Variants in SEL1L2 observed in about 807,000 individuals in gnomAD.
SEL1L2 encodes the protein SEL1L2 adaptor subunit of SYVN1 ubiquitin ligase.
Under a neutral mutation model 98.8 loss-of-function variants are expected in SEL1L2, and 89 were observed. That is an observed-to-expected ratio of 0.90 (90% CI 0.76 to 1.07). The LOEUF is 1.07. Ranked by LOEUF, SEL1L2 falls within the 50% of genes least tolerant of loss-of-function variation. SEL1L2 has a pLI of 0.00. For synonymous variants in SEL1L2, 262 were observed against 278.5 expected, an observed-to-expected ratio of 0.94 and a Z score of 0.59; for missense variants, 788 against 812.0, an observed-to-expected ratio of 0.97 and a Z score of 0.36.
intron 5 of SEL1L2, among the ~76,000 whole-genome samples, chr20:13,890,405 A>C (rs1023136747): frequency 1.3e-5 from 2 of 152,098 alleles, no homozygotes; most frequent in Non-Finnish European, 2.9e-5. Flanking sequence ...AAAAAAAAAA[A>C]CTGGCAAACC....
intron 17 of SEL1L2, among the ~76,000 whole-genome samples, chr20:13,862,990 C>A (rs1015625184): frequency 6.6e-6 from 1 of 152,108 alleles, no homozygotes. Context: ...AACCACTGCA[C>A]CTGGTCTATA....
chr20:13,983,858 C>T (rs2052002472), intron 1 of SEL1L2, among the ~76,000 whole-genome samples: 1 of 151,880 alleles, frequency 6.6e-6, no homozygotes, highest in Admixed American at 6.6e-5. Context: ...TTCTCTTCCA[C>T]TAACTCCTTC....
At chr20:13,871,554 C>T (rs1460948087) in intron 12 of SEL1L2, among the ~76,000 whole-genome samples, 1 of 151,938 alleles carries the variant, frequency 6.6e-6, no homozygotes, top group African/African-American at 2.4e-5. Flanking sequence ...CTCTGTTGCC[C>T]AGGCTGGAGT....
intron 1 of SEL1L2, among the ~76,000 whole-genome samples, chr20:13,989,691 T>C (rs1189112790): frequency 1.3e-5 from 2 of 152,264 alleles, no homozygotes; most frequent in Non-Finnish European, 2.9e-5. Flanking sequence ...TTTTGTCAAA[T>C]GCTTTTACTA....
At chr20:13,983,380 T>A (rs2051964152) in intron 1 of SEL1L2, among the ~76,000 whole-genome samples, 1 of 151,952 alleles carries the variant, frequency 6.6e-6, no homozygotes, top group South Asian at 2.1e-4. Flanking sequence ...TGTATCTGAA[T>A]GAAAAAGGGC....
intron 5 of SEL1L2, among the ~76,000 whole-genome samples, chr20:13,907,690 TTCTTTCTTTC>T (rs1323672655): frequency 3.5e-4 from 51 of 146,702 alleles, no homozygotes; most frequent in African/African-American, 5.5e-4. Context: ...TTCTCTTTCT[TTCTTTCTTTC>T]TCTTTCTTTC....
At chr20:13,901,271 C>T (rs1264353135) in intron 5 of SEL1L2, among the ~76,000 whole-genome samples, 1 of 151,924 alleles carries the variant, frequency 6.6e-6, no homozygotes, top group Non-Finnish European at 1.5e-5. Flanking sequence ...GGGGTTTCAC[C>T]GTGTTAGCCA....
At chr20:13,896,485 A>T (rs889366945) in intron 5 of SEL1L2, among the ~76,000 whole-genome samples, 4 of 151,752 alleles carry the variant, frequency 2.6e-5, no homozygotes, top group African/African-American at 9.7e-5. Flanking sequence ...AAAAACAAAA[A>T]CAAACAAATA....
chr20:13,915,106 G>A (rs901430363), intron 4 of SEL1L2: 5 of 1,287,636 alleles, frequency 3.9e-6, no homozygotes, highest in East Asian at 1.1e-4. Flanking sequence ...GATTTAGGAG[G>A]ATCAGGAGAC....
chr20:13,970,243 A>T (rs1158003038), intron 1 of SEL1L2, among the ~76,000 whole-genome samples: 1 of 152,158 alleles, frequency 6.6e-6, no homozygotes, highest in Non-Finnish European at 1.5e-5. Context: ...AAAATCCAGA[A>T]TCTCAAGGTT....
At chr20:13,922,048 T>C (rs2048687914) in intron 3 of SEL1L2, among the ~76,000 whole-genome samples, 1 of 152,232 alleles carries the variant, frequency 6.6e-6, no homozygotes, top group South Asian at 2.1e-4. Context: ...ACATAATTGA[T>C]ATTGCTTTTG....
At chr20:13,966,288 CT>C (rs1479717698) in intron 1 of SEL1L2, among the ~76,000 whole-genome samples, 3 of 150,412 alleles carry the variant, frequency 2.0e-5, no homozygotes, top group African/African-American at 7.3e-5. Context: ...CTTCTTCCTT[CT>C]TGCCTCTTCT....
chr20:13,910,261 G>A (rs771949211), intron 5 of SEL1L2, among the ~76,000 whole-genome samples: 3 of 152,170 alleles, frequency 2.0e-5, no homozygotes, highest in Non-Finnish European at 2.9e-5. Flanking sequence ...GACTAAAATT[G>A]TTACACAACA....
chr20:13,900,685 G>T (rs2047631981), intron 5 of SEL1L2, among the ~76,000 whole-genome samples: 1 of 152,154 alleles, frequency 6.6e-6, no homozygotes, highest in African/African-American at 2.4e-5. Flanking sequence ...CTCTCTACAC[G>T]CAATGATTCA....
intron 18 of SEL1L2, among the ~76,000 whole-genome samples, chr20:13,853,699 A>G (rs1163190466): frequency 6.6e-6 from 1 of 152,212 alleles, no homozygotes; most frequent in East Asian, 1.9e-4. Context: ...CACTTACTCA[A>G]ATTTATATGA....
intron 10 of SEL1L2, among the ~76,000 whole-genome samples, chr20:13,880,879 AC>A (rs2046668702): frequency 6.6e-6 from 1 of 152,068 alleles, no homozygotes; most frequent in Non-Finnish European, 1.5e-5. Flanking sequence ...TATTATTTGG[AC>A]CCATATCTCT....
At chr20:13,994,047 ACGCC>A (rs1569103458), upstream of SEL1L2, among the ~76,000 whole-genome samples, 6 of 152,112 alleles carry the variant, frequency 3.9e-5, no homozygotes, top group African/African-American at 1.4e-4. Context: ...ACGGTGGCTC[ACGCC>A]TGTAATCCCA....
chr20:13,882,547 C>T (rs996025375), intron 10 of SEL1L2, among the ~76,000 whole-genome samples: 6 of 152,142 alleles, frequency 3.9e-5, no homozygotes, highest in Non-Finnish European at 8.8e-5. Context: ...GGAGAGGGGC[C>T]CCAGTCATTC....
chr20:13,921,869 C>T (rs922489357), intron 3 of SEL1L2, among the ~76,000 whole-genome samples: 1 of 151,920 alleles, frequency 6.6e-6, no homozygotes, highest in African/African-American at 2.4e-5. Flanking sequence ...TACTAGATAC[C>T]AACTATATAG....
Sources: gnomAD v4.1 joint callset for allele counts (sites outside exome capture counted in the v4.1 genomes callset) on GRCh38, gnomAD v4.1.1 for gene constraint, MANE v1.5 for transcripts, NCBI Gene and HGNC (gene_info 2026-07-23, HGNC 2026-07-21) for gene names.